Variants in ST7 observed in about 807,000 individuals in gnomAD.
ST7 encodes the protein suppressor of tumorigenicity 7 protein.
Under a neutral mutation model 78.7 loss-of-function variants are expected in ST7, and 28 were observed. That is an observed-to-expected ratio of 0.36 (90% CI 0.26 to 0.49). The LOEUF (loss-of-function observed/expected upper bound fraction) is 0.49. ST7 is among the 20% of genes least tolerant of loss of function. The probability of loss-of-function intolerance (pLI) is 0.99; values close to 1 mark genes in which losing one functional copy is unlikely to be tolerated. For synonymous variants in ST7, 247 were observed against 249.6 expected (o/e 0.99, Z 0.10); for missense variants, 418 against 696.0 (o/e 0.60, Z 4.49).
intron 1 of ST7, among the ~76,000 whole-genome samples, chr7:117,023,795 C>CGTGTGTGTGCGTGTGTGT (rs1176288534): frequency 1.2e-4 from 13 of 112,828 alleles, no homozygotes; most frequent in African/African-American, 4.2e-4. Context: ...ATATATATAT[C>CGTGTGTGTGCGTGTGTGT]GTGTGTGTGC....
intron 8 of ST7, among the ~76,000 whole-genome samples, chr7:117,137,753 T>C (rs1193380577): frequency 6.6e-6 from 1 of 152,178 alleles, no homozygotes; most frequent in Admixed American, 6.5e-5. Flanking sequence ...TTCTCATTGG[T>C]CTGAAAACAT....
intron 2 of ST7, among the ~76,000 whole-genome samples, chr7:117,113,758 T>A (rs1802625079): frequency 6.6e-6 from 1 of 152,162 alleles, no homozygotes; most frequent in Admixed American, 6.5e-5. Flanking sequence ...TGGGAGCTTG[T>A]TTAAAATGAT....
At chr7:117,054,295 T>C (rs1287010025) in intron 1 of ST7, among the ~76,000 whole-genome samples, 1 of 152,160 alleles carries the variant, frequency 6.6e-6, no homozygotes, top group Non-Finnish European at 1.5e-5. Context: ...GTGGAGGCAT[T>C]GTTCAGTAAG....
intron 9 of ST7, among the ~76,000 whole-genome samples, chr7:117,142,610 T>TTTTTG (rs1805415305): frequency 6.6e-6 from 1 of 151,992 alleles, no homozygotes; most frequent in Non-Finnish European, 1.5e-5. Flanking sequence ...TTGGGTGTTT[T>TTTTTG]TTTTGTTTTG....
rs373411117 is a variant in ST7, at chr7:117,168,184, G to A, written c.964-2678G>A. Among the ~76,000 whole-genome samples the A allele has an allele frequency of 3.9e-5, 6 of 152,156 alleles. No homozygotes were observed. The East Asian group carries it at 7.7e-4, about 20-fold the overall frequency. ...TTTGTTTTTGGACACAGTATACTCT[G>A]TCCAAGCTTCAAATGAAAGCACTGC... On this transcript the variant is annotated intron_variant, in intron 9 of 15. Transcript: ENST00000323984.
intron 9 of ST7, among the ~76,000 whole-genome samples, chr7:117,141,426 C>T (rs1805287559): frequency 6.6e-6 from 1 of 152,150 alleles, no homozygotes; most frequent in African/African-American, 2.4e-5. Flanking sequence ...GGCAATACAC[C>T]TGTGAAATAT....
At chr7:117,066,326 G>A (rs925270151) in intron 1 of ST7, among the ~76,000 whole-genome samples, 1 of 152,158 alleles carries the variant, frequency 6.6e-6, no homozygotes. Flanking sequence ...CCGTGTCTAT[G>A]TATTATTGTA....
At chr7:117,185,504 C>T (rs1158705698) in intron 10 of ST7, among the ~76,000 whole-genome samples, 1 of 152,220 alleles carries the variant, frequency 6.6e-6, no homozygotes, top group Admixed American at 6.5e-5. Context: ...GGAGTAGTCC[C>T]CTCTTATCCT....
chr7:117,223,939 A>G (rs1309499000), intron 15 of ST7: 1 of 974,958 alleles, frequency 1.0e-6, no homozygotes, highest in Admixed American at 6.2e-5. Flanking sequence ...GAAAGAATCA[A>G]TGGAAAAATC....
At chr7:116,964,467 A>G (rs539778739) in intron 1 of ST7, among the ~76,000 whole-genome samples, 9 of 152,242 alleles carry the variant, frequency 5.9e-5, no homozygotes, top group Non-Finnish European at 8.8e-5. Flanking sequence ...ATAGTGTTAC[A>G]TAATAAGAAC....
At chr7:117,066,186 G>A (rs1798621581) in intron 1 of ST7, among the ~76,000 whole-genome samples, 1 of 152,132 alleles carries the variant, frequency 6.6e-6, no homozygotes, top group South Asian at 2.1e-4. Flanking sequence ...CCCTTCCAGT[G>A]TGCCAATCAC....
chr7:117,028,898 C>A (rs1796334245), intron 1 of ST7, among the ~76,000 whole-genome samples: 1 of 152,050 alleles, frequency 6.6e-6, no homozygotes, highest in South Asian at 2.1e-4. Context: ...ATACAGTTGA[C>A]CCTGGAACAA....
At chr7:117,025,525 C>A (rs1325011975) in intron 1 of ST7, among the ~76,000 whole-genome samples, 2 of 152,018 alleles carry the variant, frequency 1.3e-5, no homozygotes, top group East Asian at 3.9e-4. Flanking sequence ...AATAGAAATA[C>A]TTAAGTATGT....
At chr7:117,222,957 C>T in intron 15 of ST7, 1 of 1,613,504 alleles carries the variant, frequency 6.2e-7, no homozygotes, top group Non-Finnish European at 8.5e-7. Context: ...TCCGGCACCT[C>T]AATCTCAACA....
At chr7:117,012,338 G>T (rs1306935456) in intron 1 of ST7, among the ~76,000 whole-genome samples, 9 of 143,254 alleles carry the variant, frequency 6.3e-5, no homozygotes, top group African/African-American at 2.3e-4. Context: ...AGGCAGTATT[G>T]TGTACTGGTT....
intron 1 of ST7, among the ~76,000 whole-genome samples, chr7:117,097,776 CTCCT>C (rs1256209369): frequency 6.9e-6 from 1 of 144,630 alleles, no homozygotes; most frequent in Non-Finnish European, 1.5e-5. Flanking sequence ...TTTAAAAAAT[CTCCT>C]TCCTTCCACG....
At chr7:117,105,285 A>G (rs1801866410) in intron 2 of ST7, among the ~76,000 whole-genome samples, 1 of 152,200 alleles carries the variant, frequency 6.6e-6, no homozygotes, top group Admixed American at 6.5e-5. Context: ...TCAAAGATAC[A>G]GAGTAGATTG....
At chr7:117,027,957 T>A (rs1304966601) in intron 1 of ST7, among the ~76,000 whole-genome samples, 1 of 152,180 alleles carries the variant, frequency 6.6e-6, no homozygotes, top group East Asian at 1.9e-4. Context: ...ATGTGTGGGC[T>A]TGTAGGGTGT....
chr7:117,033,222 A>G (rs1796693238), intron 1 of ST7, among the ~76,000 whole-genome samples: 1 of 152,240 alleles, frequency 6.6e-6, no homozygotes, highest in South Asian at 2.1e-4. Flanking sequence ...GATATAAAAT[A>G]AAGTACAAGC....
Sources: gnomAD v4.1 joint callset for allele counts (sites outside exome capture counted in the v4.1 genomes callset) on GRCh38, gnomAD v4.1.1 for gene constraint, MANE v1.5 for transcripts, NCBI Gene and HGNC (gene_info 2026-07-23, HGNC 2026-07-21) for gene names.